Variants in TTC23L observed in about 807,000 individuals in gnomAD.
TTC23L encodes the protein tetratricopeptide repeat domain 23 like.
In TTC23L, 42 loss-of-function variants were observed where a neutral mutation model predicts 48.1. That is an observed-to-expected ratio of 0.87 (90% CI 0.68 to 1.13). The LOEUF is 1.13. TTC23L is among the 50% of genes most tolerant of loss of function. TTC23L has a pLI of 0.00. For missense variants in TTC23L, 391 were observed against 421.0 expected (o/e 0.93, Z 0.62); for synonymous variants, 159 against 157.2 (o/e 1.01, Z -0.09).
At chr5:34,852,238 A>T (rs1389517648) in intron 4 of TTC23L, among the ~76,000 whole-genome samples, 2 of 152,048 alleles carry the variant, frequency 1.3e-5, no homozygotes, top group Non-Finnish European at 2.9e-5. Flanking sequence ...TCCTTTATAT[A>T]TGTTGATCTA....
At chr5:34,845,601 C>T (rs1561119075) in exon 3 of TTC23L, 1 of 1,613,996 alleles carries the variant, frequency 6.2e-7, no homozygotes, top group South Asian at 1.1e-5. Flanking sequence ...AGGCCATAGA[C>T]TGTATGTCTC....
At chr5:34,879,239 T>C (rs1762057208) in intron 8 of TTC23L, among the ~76,000 whole-genome samples, 2 of 152,154 alleles carry the variant, frequency 1.3e-5, no homozygotes, top group African/African-American at 4.8e-5. Flanking sequence ...ATGTATGTTA[T>C]TTGGGTTATG....
the TTC23L span, chr5:34,907,085 G>C: frequency 1.3e-5 from 2 of 152,136 alleles, no homozygotes; most frequent in Non-Finnish European, 2.9e-5. Context: ...CCACCTCCCA[G>C]AATTGTCCAT....
chr5:34,851,230 C>G (rs1759650844), intron 4 of TTC23L, among the ~76,000 whole-genome samples: 1 of 152,116 alleles, frequency 6.6e-6, no homozygotes, highest in African/African-American at 2.4e-5. Context: ...GGGGGCCTAA[C>G]TTGTAATACA....
chr5:34,846,552 A>G (rs1179117995), intron 3 of TTC23L, among the ~76,000 whole-genome samples: 1 of 114,288 alleles, frequency 8.7e-6, no homozygotes, highest in Non-Finnish European at 1.7e-5. Flanking sequence ...CAACAGCTAG[A>G]CTCTGTCTCA....
chr5:34,878,176 G>T (rs889319983), intron 8 of TTC23L, among the ~76,000 whole-genome samples: 1 of 152,116 alleles, frequency 6.6e-6, no homozygotes, highest in Non-Finnish European at 1.5e-5. Context: ...TGAAATATAT[G>T]TGAGAAAAAC....
At chr5:34,879,346 C>T (rs554504805) in intron 8 of TTC23L, among the ~76,000 whole-genome samples, 9 of 152,006 alleles carry the variant, frequency 5.9e-5, no homozygotes, top group Non-Finnish European at 1.3e-4. Flanking sequence ...ATGGTATTGG[C>T]AAAATTTTCC....
At chr5:34,885,131 G>A (rs962329746) in intron 9 of TTC23L, among the ~76,000 whole-genome samples, 2 of 152,192 alleles carry the variant, frequency 1.3e-5, no homozygotes, top group Non-Finnish European at 2.9e-5. Context: ...TATTTTTGCT[G>A]TATAGTAAGT....
At chr5:34,914,429 C>T in the TTC23L span, 2 of 451,912 alleles carry the variant, frequency 4.4e-6, no homozygotes, top group Non-Finnish European at 7.9e-6. Flanking sequence ...AGCCAATAGC[C>T]TAGTTTAATA....
exon 10 of TTC23L, chr5:34,896,863 G>A: frequency 1.4e-6 from 1 of 723,302 alleles, no homozygotes; most frequent in Non-Finnish European, 2.6e-6. Context: ...AGAGGGCAGT[G>A]TATGGAGGAA....
At chr5:34,859,234 C>T (rs139175507) in intron 4 of TTC23L, among the ~76,000 whole-genome samples, 2 of 152,288 alleles carry the variant, frequency 1.3e-5, no homozygotes, top group East Asian at 3.9e-4. Flanking sequence ...CTCCTAACGG[C>T]CCACCTACTT....
At chr5:34,874,733 AT>A (rs201434804) in intron 8 of TTC23L, among the ~76,000 whole-genome samples, 20 of 152,040 alleles carry the variant, frequency 1.3e-4, no homozygotes, top group Non-Finnish European at 2.5e-4. Context: ...TAAAAAAAAA[AT>A]AAATAAATAA....
intron 9 of TTC23L, among the ~76,000 whole-genome samples, chr5:34,885,081 C>T (rs954853414): frequency 7.5e-6 from 1 of 133,154 alleles, no homozygotes; most frequent in Non-Finnish European, 1.8e-5. Context: ...TGAGTACAAG[C>T]ACCTTTGTCC....
chr5:34,874,846 G>A (rs188076108), intron 8 of TTC23L, among the ~76,000 whole-genome samples: 1 of 152,256 alleles, frequency 6.6e-6, no homozygotes, highest in Admixed American at 6.5e-5. Context: ...TATGGTAAAT[G>A]TTAATCCAAC....
chr5:34,918,944 G>T, the TTC23L span: 2 of 151,278 alleles, frequency 1.3e-5, no homozygotes, highest in Non-Finnish European at 2.9e-5. Context: ...TAAGCAGTGG[G>T]TTATTTTACA....
At chr5:34,858,839 T>C (rs567203966) in intron 4 of TTC23L, among the ~76,000 whole-genome samples, 2 of 152,214 alleles carry the variant, frequency 1.3e-5, no homozygotes, top group South Asian at 4.1e-4. Context: ...ATAAATTGTT[T>C]TAAATCAAGA....
intron 4 of TTC23L, among the ~76,000 whole-genome samples, chr5:34,851,371 T>C (rs930460445): frequency 1.3e-5 from 2 of 152,228 alleles, no homozygotes; most frequent in African/African-American, 2.4e-5. Flanking sequence ...TTCTCAGTTA[T>C]TGATCTCAGA....
At chr5:34,908,963 A>T in the TTC23L span, 11 of 1,591,198 alleles carry the variant, frequency 6.9e-6, no homozygotes, top group Non-Finnish European at 9.4e-6. Flanking sequence ...AGAAGAAAAA[A>T]TAAAACGCTG....
the TTC23L span, chr5:34,915,723 C>T: frequency 1.9e-6 from 3 of 1,591,250 alleles, no homozygotes; most frequent in Non-Finnish European, 2.6e-6. Flanking sequence ...GCCAAGAGCG[C>T]GGGCGGCGAG....
Sources: allele counts gnomAD v4.1 joint callset (sites outside exome capture counted in the v4.1 genomes callset), GRCh38; gene constraint gnomAD v4.1.1; transcripts MANE v1.5; gene names NCBI Gene and HGNC (gene_info 2026-07-23, HGNC 2026-07-21).